MYCBP2: variants seen among roughly 807,000 people sequenced by gnomAD.
The protein encoded by MYCBP2 is MYC binding protein 2, also known as E3 ubiquitin-protein ligase MYCBP2.
A neutral mutation model predicts 525.3 loss-of-function variants in MYCBP2; 120 were observed. That is an observed-to-expected ratio of 0.23 (90% CI 0.20 to 0.27). MYCBP2 has a LOEUF of 0.27. Among genes scored for constraint, MYCBP2 ranks in the 10% least tolerant of loss-of-function variants. MYCBP2 has a pLI of 1.00. For missense variants in MYCBP2, 4,149 were observed against 5,657.1 expected (o/e 0.73, Z 8.55); for synonymous variants, 1,894 against 1,955.8 (o/e 0.97, Z 0.83).
chr13:77,112,982 C>T (rs999450001), intron 55 of MYCBP2, among the ~76,000 whole-genome samples: 11 of 152,118 alleles, frequency 7.2e-5, no homozygotes, highest in Admixed American at 4.6e-4. Context: ...TCTCCTTCCC[C>T]GTTTTCTCCT....
intron 26 of MYCBP2, among the ~76,000 whole-genome samples, 177 bp from the exon 27 acceptor site, chr13:77,194,421 A>G (rs2061563422): frequency 6.6e-6 from 1 of 152,232 alleles, no homozygotes; most frequent in African/African-American, 2.4e-5. Flanking sequence ...TATTTAAATT[A>G]GGAAACAAGG....
At chr13:77,121,943 T>C (rs927984932) in intron 54 of MYCBP2, among the ~76,000 whole-genome samples, 1 of 152,104 alleles carries the variant, frequency 6.6e-6, no homozygotes, top group African/African-American at 2.4e-5. Context: ...GGAATTTTCA[T>C]TTGTTAACTG....
At chr13:77,314,548 A>G (rs1296979156) in intron 1 of MYCBP2, among the ~76,000 whole-genome samples, 2 of 152,222 alleles carry the variant, frequency 1.3e-5, no homozygotes, top group Non-Finnish European at 2.9e-5. Context: ...TTTCAACTAT[A>G]GCACATTCTG....
At chr13:77,313,895 C>T (rs1021564615) in intron 1 of MYCBP2, among the ~76,000 whole-genome samples, 4 of 151,150 alleles carry the variant, frequency 2.6e-5, no homozygotes, top group Admixed American at 6.6e-5. Context: ...GGCAAATAAG[C>T]GTTATGAAAA....
chr13:77,048,854 A>G (rs1027392457), intron 82 of MYCBP2, among the ~76,000 whole-genome samples: 1 of 150,728 alleles, frequency 6.6e-6, no homozygotes, highest in Non-Finnish European at 1.5e-5. Context: ...CCCACCACTG[A>G]GTTCTCTAAA....
chr13:77,174,202 A>T, intron 37 of MYCBP2, 109 bp downstream of exon 37: 1 of 895,142 alleles, frequency 1.1e-6, no homozygotes, highest in Non-Finnish European at 1.7e-6. Flanking sequence ...CTAAGAAGAT[A>T]CACTGTACAA....
intron 52 of MYCBP2, among the ~76,000 whole-genome samples, chr13:77,133,951 A>G (rs1218098963): frequency 6.6e-6 from 1 of 152,170 alleles, no homozygotes; most frequent in East Asian, 1.9e-4. Flanking sequence ...TTTACTCTGT[A>G]TCCCTCCCCT....
chr13:77,318,962 G>A (rs2081278071), intron 1 of MYCBP2, among the ~76,000 whole-genome samples: 1 of 152,252 alleles, frequency 6.6e-6, no homozygotes, highest in South Asian at 2.1e-4. Context: ...AAGAAATGTG[G>A]CATGAGCTAA....
rs1262910175 is a variant in MYCBP2 at position 77,098,105 on chromosome 13, C to T, written c.9049G>A (p.Glu3017Lys). The change falls in exon 56 of 83, where the codon GAG becomes AAG. Residue 3017 changes from glutamate to lysine, a missense_variant. Coordinates refer to ENST00000544440, the MANE Select transcript of MYCBP2 (RefSeq NM_015057.5). ...LFKGDGSKPL[E>K]PAKQAMSPSV... is the part of the protein sequence containing the mutation. ...GGAGACATGGCTTGCTTGGCTGGCT[C>T]TAAAGGCTTGGATCCATCTCCTTTG... 2.5e-6 allele frequency: 4 copies of T among 1,613,464 alleles called. No individual in the cohort carries two copies. The highest frequency in any genetic ancestry group is 1.1e-5 in the South Asian group (1 of 91,030).
At position 77,095,007 on chromosome 13, in the gene MYCBP2, C is replaced by T. The variant is rs990393955; in HGVS notation, c.10199+351G>A. On this transcript the variant is annotated intron_variant, in intron 58 of 82. Transcript: ENST00000544440. Reference sequence around the variant, plus strand: ...AAATGCTAACAGAATGAATAATTTACGAAATAAAAGACTGCTAAGGAAACA... The same window carrying T: ...AAATGCTAACAGAATGAATAATTTATGAAATAAAAGACTGCTAAGGAAACA... 3.9e-5 allele frequency among the ~76,000 whole-genome samples: 6 copies of T among 152,168 alleles called. No homozygotes were observed. The East Asian group carries it at 7.7e-4, about 20-fold the overall frequency.
chr13:77,269,858 A>T, intron 7 of MYCBP2, 134 bp downstream of exon 7: 2 of 717,252 alleles, frequency 2.8e-6, no homozygotes, highest in South Asian at 3.8e-5. Flanking sequence ...TACACTATTC[A>T]GTTATTATGG....
Position 77,064,705 on chromosome 13 carries a change from C to A in MYCBP2, c.12582G>T (p.Val4194=). 1 of 1,613,796 alleles carries A rather than the reference C, an allele frequency of 6.2e-7. No individual in the cohort carries two copies. Among genetic ancestry groups the A allele is most frequent in the South Asian group, 1.1e-5 (1 of 91,060 alleles). ...TGGTTTCTGCAATAGCATTTTTTGT[C>A]ACTCGGGACCAAGCTTCTGACAGAT... ...AGHLSEAWSR[V]TKNAIAETII... is the part of the protein sequence containing the mutation. Residue 4194 remains valine (V), a synonymous_variant, in exon 73 of 83, where the codon GTG becomes GTT. Transcript: ENST00000544440.
intron 3 of MYCBP2, among the ~76,000 whole-genome samples, chr13:77,279,678 C>A (rs568686623): frequency 4.6e-5 from 7 of 152,282 alleles, no homozygotes; most frequent in Admixed American, 3.9e-4. Flanking sequence ...GAAGAATATT[C>A]TCTCTGCTGA....
chr13:77,088,747 T>C (rs1283843109), intron 61 of MYCBP2, 85 bp downstream of exon 61: 36 of 1,196,352 alleles, frequency 3.0e-5, no homozygotes, highest in Non-Finnish European at 3.9e-5. Flanking sequence ...ACAATTTCTG[T>C]TGGTAAAAAA....
chr13:77,235,960 G>C (rs2067857726), intron 17 of MYCBP2, among the ~76,000 whole-genome samples: 1 of 152,134 alleles, frequency 6.6e-6, no homozygotes, highest in Admixed American at 6.6e-5. Context: ...TGAGGCTGTA[G>C]AGATAAAAGT....
At chr13:77,117,270 C>T (rs2049940141) in intron 55 of MYCBP2, among the ~76,000 whole-genome samples, 1 of 151,970 alleles carries the variant, frequency 6.6e-6, no homozygotes, top group African/African-American at 2.4e-5. Context: ...TAATATTATA[C>T]ATGAACGAAC....
intron 17 of MYCBP2, among the ~76,000 whole-genome samples, chr13:77,239,603 T>C (rs1012059898): frequency 6.6e-6 from 1 of 152,230 alleles, no homozygotes; most frequent in Admixed American, 6.5e-5. Flanking sequence ...GTCTCACACT[T>C]TGGGACCATC....
chr13:77,288,152 G>A lies in MYCBP2; in HGVS notation c.594+9C>T, dbSNP rs2077084755. The A allele has an allele frequency of 6.2e-6, 10 of 1,613,174 alleles. No homozygotes were observed. Among genetic ancestry groups the A allele is most frequent in the East Asian group, 2.2e-5 (1 of 44,884 alleles). ...CACATCTAAATATTAATAGAACTCA[G>A]TGGCTTACCTTTGGAAGCTTGATAG... On this transcript the variant is annotated intron_variant, in intron 3 of 82. Coordinates refer to ENST00000544440, the MANE Select transcript of MYCBP2 (RefSeq NM_015057.5).
At chr13:77,201,538 C>T (rs1268298019) in intron 26 of MYCBP2, among the ~76,000 whole-genome samples, 10 of 151,934 alleles carry the variant, frequency 6.6e-5, no homozygotes, top group East Asian at 1.9e-4. Flanking sequence ...CTGCACCAAG[C>T]GGACCTAATA....
Sources: gnomAD v4.1 joint callset for allele counts (sites outside exome capture counted in the v4.1 genomes callset) on GRCh38, gnomAD v4.1.1 for gene constraint, MANE v1.5 for transcripts, NCBI Gene and HGNC (gene_info 2026-07-23, HGNC 2026-07-21) for gene names.